FER1L6: variants seen among roughly 807,000 people sequenced by gnomAD.
FER1L6 encodes fer-1 like family member 6, also known as fer-1-like protein 6.
Under a neutral mutation model 219.2 loss-of-function variants are expected in FER1L6, and 177 were observed. That is an observed-to-expected ratio of 0.81 (90% confidence interval 0.71 to 0.91). The LOEUF (loss-of-function observed/expected upper bound fraction) is 0.91. Among genes scored for constraint, FER1L6 ranks in the 40% least tolerant of loss-of-function variants. The pLI is 0.00. For missense variants in FER1L6, 2,153 were observed against 2,259.9 expected, an observed-to-expected ratio of 0.95 and a Z score of 0.96; for synonymous variants, 768 against 824.3, an observed-to-expected ratio of 0.93 and a Z score of 1.17.
At chr8:124,023,819 A>T (rs973031735) in intron 18 of FER1L6, among the ~76,000 whole-genome samples, 1 of 152,012 alleles carries the variant, frequency 6.6e-6, no homozygotes, top group African/African-American at 2.4e-5. Flanking sequence ...CCAGACACAC[A>T]TAAGTTTCTT....
chr8:123,980,550 G>A lies in FER1L6; in HGVS notation c.1149G>A (p.Met383Ile), dbSNP rs370212738. The change falls in exon 11 of 41, where the codon ATG becomes ATA. Residue 383 changes from methionine (M) to isoleucine (I), a missense_variant. Coordinates refer to ENST00000522917, the MANE Select transcript of FER1L6 (RefSeq NM_001039112.2). ...NHSLMDDYQE[M>I]NEGFGEGVSF... is the part of the protein sequence containing the mutation. The stretch of plus-strand genomic sequence containing the variant: ...GTCTGATGGATGACTACCAGGAAAT[G>A]AACGAAGGCTTTGGGGAAGGTGTGT... 4 of 1,614,042 alleles carry A rather than the reference G, an allele frequency of 2.5e-6. No homozygotes were observed. The African/African-American group carries it at 4.0e-5, about 16-fold the overall frequency.
intron 1 of FER1L6, among the ~76,000 whole-genome samples, chr8:123,926,996 A>G (rs1239824999): frequency 2.6e-5 from 4 of 152,216 alleles, no homozygotes; most frequent in Non-Finnish European, 4.4e-5. Flanking sequence ...TTTATTTCAC[A>G]TTTATTATGT....
chr8:124,004,151 C>T (rs1817556498), intron 13 of FER1L6: 1 of 148,206 alleles, frequency 6.7e-6, no homozygotes, highest in Non-Finnish European at 1.5e-5. Flanking sequence ...TGTCAGGCAC[C>T]AGAAAAGATA....
At chr8:123,939,646 G>T (rs1339556712) in intron 1 of FER1L6, among the ~76,000 whole-genome samples, 1 of 152,186 alleles carries the variant, frequency 6.6e-6, no homozygotes, top group East Asian at 1.9e-4. Context: ...CTCATGTCTT[G>T]CAGGAAGGGA....
intron 1 of FER1L6, among the ~76,000 whole-genome samples, chr8:123,926,622 A>G (rs1586474258): frequency 6.6e-6 from 1 of 152,290 alleles, no homozygotes; most frequent in East Asian, 1.9e-4. Context: ...GGGGTAGAAT[A>G]TATAATAAGG....
At chr8:124,055,408 G>GAACA (rs974157175) in intron 22 of FER1L6, among the ~76,000 whole-genome samples, 14 of 152,186 alleles carry the variant, frequency 9.2e-5, no homozygotes, top group African/African-American at 2.9e-4. Context: ...CTCATTCAAT[G>GAACA]AACAAACATT....
At chr8:124,049,560 G>C (rs1248170677) in intron 21 of FER1L6, 47 bp from the exon 22 acceptor site, 1 of 1,602,702 alleles carries the variant, frequency 6.2e-7, no homozygotes, top group Non-Finnish European at 8.5e-7. Flanking sequence ...ATCAGAACCA[G>C]GTAATTAATG....
chr8:123,875,011 A>G (rs745402987), intron 1 of FER1L6, among the ~76,000 whole-genome samples: 15 of 152,058 alleles, frequency 9.9e-5, no homozygotes, highest in Non-Finnish European at 7.4e-5. Flanking sequence ...CCTGGCCAAC[A>G]TGGTGAAATC....
chr8:123,963,426 C>T (rs769521326), intron 3 of FER1L6, 28 bp downstream of exon 3: 2 of 1,612,672 alleles, frequency 1.2e-6, no homozygotes, highest in African/African-American at 2.7e-5. Flanking sequence ...GTGGTCAACA[C>T]ACATTTGCTG....
At chr8:124,086,835 T>TAAAG (rs1447404061) in intron 33 of FER1L6, among the ~76,000 whole-genome samples, 1 of 152,212 alleles carries the variant, frequency 6.6e-6, no homozygotes, top group African/African-American at 2.4e-5. Flanking sequence ...CCTTCATATT[T>TAAAG]AAAGAATACT....
At chr8:123,987,800 C>A (rs1466755651) in intron 12 of FER1L6, among the ~76,000 whole-genome samples, 1 of 152,080 alleles carries the variant, frequency 6.6e-6, no homozygotes, top group African/African-American at 2.4e-5. Flanking sequence ...AACACATGTT[C>A]TCGATACTTT....
chr8:124,067,878 C>T, intron 28 of FER1L6, 72 bp downstream of exon 28: 1 of 1,263,854 alleles, frequency 7.9e-7, no homozygotes, highest in African/African-American at 1.5e-5. Flanking sequence ...AAAATGGAAG[C>T]CACGGGAGGT....
intron 1 of FER1L6, among the ~76,000 whole-genome samples, chr8:123,916,143 G>A (rs1248455040): frequency 6.6e-6 from 1 of 152,262 alleles, no homozygotes; most frequent in South Asian, 2.1e-4. Context: ...GATTTCCTCT[G>A]GTAGAAGTAA....
intron 1 of FER1L6, among the ~76,000 whole-genome samples, chr8:123,898,378 A>C (rs1812784779): frequency 6.6e-6 from 1 of 151,892 alleles, no homozygotes; most frequent in Non-Finnish European, 1.5e-5. Flanking sequence ...ATTTTGGTGC[A>C]TCCGTCACCC....
In FER1L6 at chr8:123,970,107, G is replaced by T. The variant is rs1401312702; in HGVS notation, c.447+10G>T. On this transcript the variant is annotated intron_variant, in intron 6 of 40. Transcript: ENST00000522917. The stretch of plus-strand genomic sequence containing the variant: ...GATCATCAAAATCTCCGTAAGTATA[G>T]CATTGGTGGTAATAGTTGTGGAGAG... 6.2e-7 allele frequency: 1 copy of T among 1,612,814 alleles called. No homozygotes were observed. Among genetic ancestry groups the T allele is most frequent in the Non-Finnish European group, 8.5e-7 (1 of 1,178,862 alleles).
intron 39 of FER1L6, among the ~76,000 whole-genome samples, chr8:124,106,153 C>A (rs1177559225): frequency 6.6e-6 from 1 of 151,648 alleles, no homozygotes; most frequent in Non-Finnish European, 1.5e-5. Context: ...CTTGGTGAAA[C>A]CCCGTCTCTA....
chr8:123,899,099 T>C (rs1470382200), intron 1 of FER1L6, among the ~76,000 whole-genome samples: 6 of 152,148 alleles, frequency 3.9e-5, no homozygotes, highest in Non-Finnish European at 8.8e-5. Context: ...CCATTGTGGC[T>C]GTACTAGTTT....
At chr8:124,074,733 G>A (rs1821210970) in intron 31 of FER1L6, among the ~76,000 whole-genome samples, 1 of 151,938 alleles carries the variant, frequency 6.6e-6, no homozygotes. Flanking sequence ...TGTGTTGTTA[G>A]GCTGTTTCAG....
chr8:123,959,696 G>A (rs1815182110), intron 2 of FER1L6, among the ~76,000 whole-genome samples: 1 of 152,158 alleles, frequency 6.6e-6, no homozygotes, highest in Non-Finnish European at 1.5e-5. Flanking sequence ...ACCTTAGAAA[G>A]CATTAAATTG....
Sources: gnomAD v4.1 joint callset for allele counts (sites outside exome capture counted in the v4.1 genomes callset) on GRCh38, gnomAD v4.1.1 for gene constraint, MANE v1.5 for transcripts, NCBI Gene and HGNC (gene_info 2026-07-23, HGNC 2026-07-21) for gene names.